Variants in KCNAB1 observed in about 807,000 individuals in gnomAD.
KCNAB1 encodes voltage-gated potassium channel subunit beta-1.
A neutral mutation model predicts 64.6 loss-of-function variants in KCNAB1; 35 were observed. The observed-to-expected ratio is 0.54, with a 90% confidence interval of 0.41 to 0.72. The LOEUF is 0.72. Among genes scored for constraint, KCNAB1 ranks in the 30% least tolerant of loss-of-function variants. KCNAB1 has a pLI of 0.00. For missense variants in KCNAB1, 401 were observed against 512.9 expected, an observed-to-expected ratio of 0.78 and a Z score of 2.11; for synonymous variants, 177 against 183.8, an observed-to-expected ratio of 0.96 and a Z score of 0.30.
intron 8 of KCNAB1, among the ~76,000 whole-genome samples, chr3:156,505,810 G>C (rs1470592167): frequency 2.0e-5 from 3 of 152,150 alleles, no homozygotes; most frequent in African/African-American, 7.2e-5. Context: ...GGCTAAGAGG[G>C]GGAGAGGGAG....
chr3:156,293,612 A>G (rs917845486), intron 1 of KCNAB1, among the ~76,000 whole-genome samples: 12 of 152,264 alleles, frequency 7.9e-5, no homozygotes, highest in Non-Finnish European at 1.3e-4. Flanking sequence ...CAAAACAACC[A>G]TAACTAAAGC....
At chr3:156,292,432 G>C (rs1227854300) in intron 1 of KCNAB1, among the ~76,000 whole-genome samples, 1 of 152,200 alleles carries the variant, frequency 6.6e-6, no homozygotes, top group Non-Finnish European at 1.5e-5. Context: ...GATCAGGATA[G>C]TTTTTCAGTA....
intron 1 of KCNAB1, among the ~76,000 whole-genome samples, chr3:156,394,652 T>C (rs1713291836): frequency 6.6e-6 from 1 of 152,228 alleles, no homozygotes; most frequent in Non-Finnish European, 1.5e-5. Flanking sequence ...GTTTGTCCCA[T>C]ATAGATGACG....
intron 12 of KCNAB1, among the ~76,000 whole-genome samples, chr3:156,530,578 TGA>T (rs1446927646): frequency 6.6e-6 from 1 of 152,104 alleles, no homozygotes; most frequent in Non-Finnish European, 1.5e-5. Context: ...CCATGAACTG[TGA>T]GATTCTCTCT....
chr3:156,452,468 A>G lies in KCNAB1; in HGVS notation c.320-431A>G, dbSNP rs528472524. ...TTTGAAAAGTAATAATGAATAAAAA[A>G]TACAGCCACTATTTGGAGGCAAAGA... On this transcript the variant is annotated intron_variant, in intron 2 of 13. Coordinates refer to ENST00000490337, the MANE Select transcript of KCNAB1 (RefSeq NM_172160.3). This position sits in a 1 kb window ranked among gnomAD's most constrained non-coding sequence, Gnocchi z 4.6. Among the ~76,000 whole-genome samples, 2 of 152,358 alleles carry G rather than the reference A, an allele frequency of 1.3e-5. No individual in the cohort carries two copies. Among genetic ancestry groups the G allele is most frequent in the African/African-American group, 4.8e-5 (2 of 41,594 alleles).
chr3:156,319,845 G>A (rs1722537402), intron 1 of KCNAB1, among the ~76,000 whole-genome samples: 2 of 152,140 alleles, frequency 1.3e-5, no homozygotes, highest in Admixed American at 1.3e-4. Context: ...TTAACCAGAT[G>A]GAAGGAAACA....
At chr3:156,413,801 G>A (rs1261798095) in intron 1 of KCNAB1, among the ~76,000 whole-genome samples, 1 of 152,212 alleles carries the variant, frequency 6.6e-6, no homozygotes, top group Non-Finnish European at 1.5e-5. Context: ...GTGCTAGGTG[G>A]TGGGAATATG....
chr3:156,404,836 G>A (rs955109593), intron 1 of KCNAB1, among the ~76,000 whole-genome samples: 1 of 152,172 alleles, frequency 6.6e-6, no homozygotes, highest in South Asian at 2.1e-4. Context: ...GGAGCAGAGG[G>A]AGAGTGGCCA....
At chr3:156,375,201 G>GT (rs1442597742) in intron 1 of KCNAB1, among the ~76,000 whole-genome samples, 1 of 135,634 alleles carries the variant, frequency 7.4e-6, no homozygotes, top group East Asian at 1.9e-4. Context: ...ATTGACCCTA[G>GT]TTAATAGAGC....
intron 1 of KCNAB1, among the ~76,000 whole-genome samples, chr3:156,157,646 T>A (rs1031392711): frequency 2.6e-5 from 4 of 152,226 alleles, no homozygotes; most frequent in Admixed American, 2.6e-4. Context: ...TGTGTATGCG[T>A]ATGCATGTGT....
At chr3:156,398,109 T>C (rs773813817) in intron 1 of KCNAB1, among the ~76,000 whole-genome samples, 58 of 152,082 alleles carry the variant, frequency 3.8e-4, no homozygotes, top group Non-Finnish European at 8.1e-4. Context: ...CTGGAAACCA[T>C]TATCCTCAGC....
chr3:156,228,545 A>G (rs998869159), intron 1 of KCNAB1, among the ~76,000 whole-genome samples: 12 of 152,102 alleles, frequency 7.9e-5, no homozygotes, highest in African/African-American at 2.2e-4. Flanking sequence ...TCGGGGTTCT[A>G]TCATGTTCCA....
intron 1 of KCNAB1, among the ~76,000 whole-genome samples, chr3:156,349,305 C>T (rs1358970987): frequency 6.6e-6 from 1 of 152,104 alleles, no homozygotes; most frequent in African/African-American, 2.4e-5. Context: ...CAGAAACTGC[C>T]CTTCCTGTCT....
intron 1 of KCNAB1, among the ~76,000 whole-genome samples, chr3:156,326,612 A>G (rs1372862928): frequency 2.0e-5 from 3 of 152,132 alleles, no homozygotes; most frequent in Non-Finnish European, 4.4e-5. Context: ...CCTATTCAGC[A>G]TACTACAACT....
At chr3:156,363,586 T>C (rs1851555) in intron 1 of KCNAB1, among the ~76,000 whole-genome samples, 45,489 of 151,846 alleles carry the variant, frequency 0.3, 9,218 homozygotes, top group African/African-American at 0.58. Context: ...AGAGATTCTG[T>C]TGCCTCAGCC....
intron 1 of KCNAB1, among the ~76,000 whole-genome samples, chr3:156,184,481 C>T (rs967321765): frequency 6.6e-6 from 1 of 152,082 alleles, no homozygotes; most frequent in Non-Finnish European, 1.5e-5. Flanking sequence ...AAGAAGGAGA[C>T]CCTGCAAGGT....
intron 1 of KCNAB1, among the ~76,000 whole-genome samples, chr3:156,160,681 T>C (rs1201806201): frequency 6.6e-6 from 1 of 152,162 alleles, no homozygotes; most frequent in Non-Finnish European, 1.5e-5. Context: ...TTGAATAATA[T>C]AGGTGAGAGA....
At chr3:156,443,688 T>C (rs1248058298) in intron 2 of KCNAB1, among the ~76,000 whole-genome samples, 1 of 151,484 alleles carries the variant, frequency 6.6e-6, no homozygotes, top group East Asian at 1.9e-4. Flanking sequence ...TATTAAGTGC[T>C]GACACAGAAA....
At chr3:156,292,032 C>T (rs755419299) in intron 1 of KCNAB1, 7 of 1,614,034 alleles carry the variant, frequency 4.3e-6, no homozygotes, top group East Asian at 2.2e-5. Context: ...AAATTCCGCA[C>T]GGTCGCTATC....
Sources: allele counts gnomAD v4.1 joint callset (sites outside exome capture counted in the v4.1 genomes callset), GRCh38; gene constraint gnomAD v4.1.1; non-coding constraint Gnocchi (gnomAD v3.1); transcripts MANE v1.5; gene names NCBI Gene and HGNC (gene_info 2026-07-23, HGNC 2026-07-21).